Variants in STAT4 observed in about 807,000 individuals in gnomAD.
The protein encoded by STAT4 is signal transducer and activator of transcription 4.
A neutral mutation model predicts 110.5 loss-of-function variants in STAT4; 42 were observed. The ratio of observed to expected loss-of-function variants is 0.38; its 90% CI spans 0.30 to 0.49. The LOEUF (loss-of-function observed/expected upper bound fraction) is 0.49, where lower values mean the gene tolerates loss of function less well. Ranked by LOEUF, STAT4 falls within the 20% of genes least tolerant of loss-of-function variation. STAT4 has a pLI of 0.95. For synonymous variants in STAT4, 284 were observed against 302.2 expected, an observed-to-expected ratio of 0.94 and a Z score of 0.63; for missense variants, 632 against 887.9, an observed-to-expected ratio of 0.71 and a Z score of 3.66.
chr2:191,065,476 T>C (rs944466443), intron 7 of STAT4, among the ~76,000 whole-genome samples: 2 of 152,182 alleles, frequency 1.3e-5, no homozygotes, highest in African/African-American at 2.4e-5. Flanking sequence ...TTGTAAGCTA[T>C]ATGAACATGA....
chr2:191,055,833 C>G (rs1696674787), intron 13 of STAT4, among the ~76,000 whole-genome samples: 1 of 152,148 alleles, frequency 6.6e-6, no homozygotes, highest in Admixed American at 6.5e-5. Flanking sequence ...CCTTGTTCTT[C>G]CTTTTCCATG....
intron 3 of STAT4, among the ~76,000 whole-genome samples, chr2:191,118,570 G>A (rs780410642): frequency 1.3e-5 from 2 of 152,030 alleles, no homozygotes; most frequent in Non-Finnish European, 2.9e-5. Context: ...AGTGCTATAA[G>A]TTGCATGGAG....
chr2:191,055,499 G>A (rs1473641408), intron 13 of STAT4, among the ~76,000 whole-genome samples: 13 of 150,944 alleles, frequency 8.6e-5, no homozygotes, highest in African/African-American at 1.7e-4. Flanking sequence ...GATTACAGGC[G>A]TGAGCCACTG....
Position 191,046,411 on chromosome 2 carries a change from C to G in STAT4, c.1252-5263G>C, listed in dbSNP as rs6735781. Among the ~76,000 whole-genome samples the G allele has an allele frequency of 0.029, 4,417 of 152,204 alleles. 209 individuals carry two copies. The highest frequency in any genetic ancestry group is 0.099 in the African/African-American group (4,097 of 41,496). ...TTGCTTCTACCTCTGTGAAGGGCCT[C>G]GCATGACCAGTGTGGCCTCTAGGTC... On this transcript the variant is annotated intron_variant, in intron 14 of 23. Transcript: ENST00000392320. The surrounding 1 kb of genome is among the most constrained non-coding windows in gnomAD (Gnocchi z 4.6).
chr2:191,097,021 T>C (rs192214183), intron 3 of STAT4, among the ~76,000 whole-genome samples: 387 of 152,208 alleles, frequency 2.5e-3, no homozygotes, highest in African/African-American at 8.6e-3. Flanking sequence ...CCATTCCCAA[T>C]TGCTACAAAG....
chr2:191,128,694 G>A (rs1698950110), intron 3 of STAT4, among the ~76,000 whole-genome samples: 3 of 152,126 alleles, frequency 2.0e-5, no homozygotes, highest in Admixed American at 1.3e-4. Context: ...AGGTGCAGGT[G>A]ACACCCATGC....
In STAT4 at chr2:191,090,300, A is replaced by C. The variant is rs1463129387; in HGVS notation, c.274-13975T>G. 6.6e-6 allele frequency among the ~76,000 whole-genome samples: 1 copy of C among 152,128 alleles called. No individual in the cohort carries two copies. Among genetic ancestry groups the C allele is most frequent in the Non-Finnish European group, 1.5e-5 (1 of 68,032 alleles). ...AGTTCTCATATGCCCTCCTTATGCT[A>C]TTCCTCTCACCAGAAATGAATGAAT... On this transcript the variant is annotated intron_variant, in intron 3 of 23. Transcript: ENST00000392320. This position sits in a 1 kb window ranked among gnomAD's most constrained non-coding sequence, Gnocchi z 4.2.
rs1036924230 is a variant in STAT4, at chr2:191,135,348, G to A, written c.273+11265C>T. On this transcript the variant is annotated intron_variant, in intron 3 of 23. Coordinates refer to ENST00000392320, the MANE Select transcript of STAT4 (RefSeq NM_003151.4). This position sits in a 1 kb window ranked among gnomAD's most constrained non-coding sequence, Gnocchi z 4.8. The stretch of plus-strand genomic sequence containing the variant: ...CATGCAACCTAGCAAGATTGAATCA[G>A]GAAAAAAGCCCAAAAAGACCTGAAC... Among the ~76,000 whole-genome samples the A allele has an allele frequency of 1.3e-5, 2 of 152,024 alleles. No individual in the cohort carries two copies. The highest frequency in any genetic ancestry group is 6.6e-5 in the Admixed American group (1 of 15,252).
intron 3 of STAT4, among the ~76,000 whole-genome samples, chr2:191,093,323 G>A (rs1697859796): frequency 1.3e-5 from 2 of 152,226 alleles, no homozygotes; most frequent in Non-Finnish European, 2.9e-5. Flanking sequence ...ATACAGGTGG[G>A]TGCCCCTCTG....
chr2:191,150,965 A>T lies in STAT4; in HGVS notation c.-20T>A. The T allele has an allele frequency of 1.0e-6, 1 of 985,786 alleles. No homozygotes were observed. Among genetic ancestry groups the T allele is most frequent in the Middle Eastern group, 5.2e-4 (1 of 1,918 alleles). The allele number at this position is 985,786 out of a possible 1,614,324, so 61.1% of individuals were successfully genotyped here. ...CACTTACCTAGCGCTCTCTCAGCAC[A>T]GGTCCCAGGCAGTGCTCAAGTCCAA... On this transcript the variant is annotated 5_prime_UTR_variant, in exon 1 of 24. Coordinates refer to ENST00000392320, the MANE Select transcript of STAT4 (RefSeq NM_003151.4). The surrounding 1 kb of genome is among the most constrained non-coding windows in gnomAD (Gnocchi z 6.4).
In STAT4 at chr2:191,104,986, A is replaced by T. The variant is rs1698239185; in HGVS notation, c.274-28661T>A. Among the ~76,000 whole-genome samples the T allele has an allele frequency of 6.6e-6, 1 of 152,238 alleles. No homozygotes were observed. Among genetic ancestry groups the T allele is most frequent in the Non-Finnish European group, 1.5e-5 (1 of 68,038 alleles). On this transcript the variant is annotated intron_variant, in intron 3 of 23. Transcript: ENST00000392320. This position sits in a 1 kb window ranked among gnomAD's most constrained non-coding sequence, Gnocchi z 4.3. Reference sequence around the variant, plus strand: ...AGAGTTGGCATTATTTTCAGGGAGAAGACCTGCTATACCCAAGGCTTTTTA... The same window carrying T: ...AGAGTTGGCATTATTTTCAGGGAGATGACCTGCTATACCCAAGGCTTTTTA...
In STAT4 at chr2:191,032,178, T is replaced by C. The variant is rs1695914126; in HGVS notation, c.2045-662A>G. The C allele has an allele frequency of 2.6e-5, 4 of 152,264 alleles. No homozygotes were observed. Among genetic ancestry groups the C allele is most frequent in the African/African-American group, 9.7e-5 (4 of 41,434 alleles). The allele number at this position is 152,264 out of a possible 1,614,324, so 9.4% of individuals were successfully genotyped here. ...GTATTTTTGTTTATTTCAGAGGGCATGAAGTCAGGTGGCTGCAAGTCTGTG... is the reference window on the plus strand; with the variant it reads ...GTATTTTTGTTTATTTCAGAGGGCACGAAGTCAGGTGGCTGCAAGTCTGTG... On this transcript the variant is annotated intron_variant, in intron 21 of 23. Coordinates refer to ENST00000392320, the MANE Select transcript of STAT4 (RefSeq NM_003151.4). This position sits in a 1 kb window ranked among gnomAD's most constrained non-coding sequence, Gnocchi z 4.9.
chr2:191,094,987 A>G (rs986463319), intron 3 of STAT4, among the ~76,000 whole-genome samples: 1 of 152,182 alleles, frequency 6.6e-6, no homozygotes, highest in African/African-American at 2.4e-5. Flanking sequence ...CAAATCAACA[A>G]AGATCAAAAG....
In STAT4 at chr2:191,061,591, A is replaced by C; in HGVS notation, c.1034+138T>G. On this transcript the variant is annotated intron_variant, in intron 10 of 23. Coordinates refer to ENST00000392320, the MANE Select transcript of STAT4 (RefSeq NM_003151.4). The surrounding 1 kb of genome is among the most constrained non-coding windows in gnomAD (Gnocchi z 6.2). ...TTCACATTTCTGTGGGTATTTCCCCAAGCTCAGAGCTGGGCACACAGCAGA... is the reference window on the plus strand; with the variant it reads ...TTCACATTTCTGTGGGTATTTCCCCCAGCTCAGAGCTGGGCACACAGCAGA... 1 of 818,264 alleles carries C rather than the reference A, an allele frequency of 1.2e-6. No individual in the cohort carries two copies. Among genetic ancestry groups the C allele is most frequent in the Non-Finnish European group, 2.1e-6 (1 of 484,248 alleles). 50.7% of individuals were successfully genotyped at this position (818,264 alleles called of 1,614,324 possible). A position where few individuals can be genotyped will look rare whatever the true frequency, so the allele number is the denominator to read the frequency against.
Position 191,147,971 on chromosome 2 carries a change from A to G in STAT4, c.128+105T>C. 2 of 1,467,332 alleles carry G rather than the reference A, an allele frequency of 1.4e-6. No homozygotes were observed. Among genetic ancestry groups the G allele is most frequent in the Non-Finnish European group, 1.8e-6 (2 of 1,086,628 alleles). The allele number at this position is 1,467,332 out of a possible 1,614,324, so 90.9% of individuals were successfully genotyped here. ...TCCTTGAGAAAGTTCTTTACCTGAA[A>G]AGAATGCATCTACTGAGTAAAAAGT... On this transcript the variant is annotated intron_variant, in intron 2 of 23. Transcript: ENST00000392320. This position sits in a 1 kb window ranked among gnomAD's most constrained non-coding sequence, Gnocchi z 4.1.
intron 3 of STAT4, among the ~76,000 whole-genome samples, chr2:191,121,148 G>T (rs1283761094): frequency 6.6e-6 from 1 of 152,204 alleles, no homozygotes; most frequent in East Asian, 1.9e-4. Context: ...AGACATTTAT[G>T]CAGCCAACAG....
In STAT4 at chr2:191,031,164, T is replaced by A; in HGVS notation, c.2112-84A>T. The A allele has an allele frequency of 7.4e-7, 1 of 1,358,878 alleles. No homozygotes were observed. The highest frequency in any genetic ancestry group is 1.2e-5 in the South Asian group (1 of 81,964). 84.2% of individuals were successfully genotyped at this position (1,358,878 alleles called of 1,614,324 possible). On this transcript the variant is annotated intron_variant, in intron 22 of 23. Coordinates refer to ENST00000392320, the MANE Select transcript of STAT4 (RefSeq NM_003151.4). This position sits in a 1 kb window ranked among gnomAD's most constrained non-coding sequence, Gnocchi z 4.8. ...TGACTTACTATGTCAGGAACTCATTTCTAGGGCTTCATCTATTTGTGACAT... is the reference window on the plus strand; with the variant it reads ...TGACTTACTATGTCAGGAACTCATTACTAGGGCTTCATCTATTTGTGACAT...
At position 191,150,863 on chromosome 2, in the gene STAT4, G is replaced by T; in HGVS notation, c.-2+84C>A. On this transcript the variant is annotated intron_variant, in intron 1 of 23. Coordinates refer to ENST00000392320, the MANE Select transcript of STAT4 (RefSeq NM_003151.4). This position sits in a 1 kb window ranked among gnomAD's most constrained non-coding sequence, Gnocchi z 6.4. ...ATGAAGCAATTGTCAAAACGCCAAG[G>T]GAAAGCAAAGCTTCAGAGTATCCTG... The T allele has an allele frequency of 1.0e-6, 1 of 965,486 alleles. No homozygotes were observed. The highest frequency in any genetic ancestry group is 1.1e-4 in the East Asian group (1 of 8,710). 59.8% of individuals were successfully genotyped at this position (965,486 alleles called of 1,614,324 possible).
intron 3 of STAT4, among the ~76,000 whole-genome samples, chr2:191,132,243 C>G (rs1427422383): frequency 6.6e-6 from 1 of 151,728 alleles, no homozygotes; most frequent in Non-Finnish European, 1.5e-5. Context: ...CTCCTAACTG[C>G]AAACAAAAAC....
Sources: gnomAD v4.1 joint callset for allele counts (sites outside exome capture counted in the v4.1 genomes callset) on GRCh38, gnomAD v4.1.1 for gene constraint, Gnocchi (gnomAD v3.1) non-coding constraint, MANE v1.5 for transcripts, NCBI Gene and HGNC (gene_info 2026-07-23, HGNC 2026-07-21) for gene names.